Variants in ZNRF3 observed in about 807,000 individuals in gnomAD.
The protein encoded by ZNRF3 is zinc and ring finger 3, also known as E3 ubiquitin-protein ligase ZNRF3.
In ZNRF3, 23 loss-of-function variants were observed where a neutral mutation model predicts 72.5. The observed-to-expected ratio is 0.32, with a 90% confidence interval of 0.23 to 0.45. The LOEUF (loss-of-function observed/expected upper bound fraction) is 0.45, where lower values mean the gene tolerates loss of function less well. ZNRF3 is among the 20% of genes least tolerant of loss of function. The pLI, the probability that ZNRF3 is intolerant of heterozygous loss-of-function variation, is 1.00. For synonymous variants in ZNRF3, 610 were observed against 545.3 expected (o/e 1.12, Z -1.65); for missense variants, 1,169 against 1,272.1 (o/e 0.92, Z 1.23).
At chr22:29,052,256 G>A (rs1601720366) in intron 8 of ZNRF3, among the ~76,000 whole-genome samples, 2 of 152,132 alleles carry the variant, frequency 1.3e-5, no homozygotes, top group Non-Finnish European at 2.9e-5. Context: ...TCCTCTCTTC[G>A]GGACAGAGGC....
intron 1 of ZNRF3, among the ~76,000 whole-genome samples, chr22:28,913,390 G>T (rs1204905543): frequency 1.3e-5 from 2 of 152,182 alleles, no homozygotes; most frequent in Non-Finnish European, 2.9e-5. Flanking sequence ...TTTTCTCAAA[G>T]GACTCAAGGT....
intron 1 of ZNRF3, among the ~76,000 whole-genome samples, chr22:28,953,381 C>A (rs1235219676): frequency 6.6e-6 from 1 of 152,190 alleles, no homozygotes; most frequent in East Asian, 1.9e-4. Flanking sequence ...AGTTGTGAGG[C>A]CACAGCCTGT....
intron 2 of ZNRF3, among the ~76,000 whole-genome samples, chr22:29,012,508 A>G (rs2036363732): frequency 6.6e-6 from 1 of 152,252 alleles, no homozygotes; most frequent in African/African-American, 2.4e-5. Context: ...CTGGAAAGGC[A>G]GTTGAGTAGA....
chr22:28,932,674 A>C (rs1299657062), intron 1 of ZNRF3, among the ~76,000 whole-genome samples: 1 of 152,188 alleles, frequency 6.6e-6, no homozygotes, highest in Non-Finnish European at 1.5e-5. Flanking sequence ...GAACCCCAAA[A>C]GCCTGGGCAG....
intron 2 of ZNRF3, among the ~76,000 whole-genome samples, chr22:29,007,891 G>C (rs2036287605): frequency 6.6e-6 from 1 of 151,308 alleles, no homozygotes; most frequent in Non-Finnish European, 1.5e-5. Context: ...CAAGTAGCTA[G>C]GATTACAGGC....
intron 1 of ZNRF3, among the ~76,000 whole-genome samples, chr22:28,891,178 GA>G (rs1266284741): frequency 6.6e-6 from 1 of 152,138 alleles, no homozygotes; most frequent in African/African-American, 2.4e-5. Flanking sequence ...TGTTAGAAAG[GA>G]GACTGAAATC....
chr22:28,909,845 G>A (rs774844221), intron 1 of ZNRF3, among the ~76,000 whole-genome samples: 1 of 149,046 alleles, frequency 6.7e-6, no homozygotes, highest in Non-Finnish European at 1.5e-5. Context: ...CATTCACCTC[G>A]GCCTTCCAAA....
intron 1 of ZNRF3, among the ~76,000 whole-genome samples, chr22:28,940,862 T>A (rs1188465267): frequency 6.6e-6 from 1 of 152,178 alleles, no homozygotes; most frequent in Non-Finnish European, 1.5e-5. Flanking sequence ...CAGAAAAAAA[T>A]TTATAAAATG....
At chr22:28,937,201 ATATATATATATATATTTTTTTTTT>A (rs1157271363) in intron 1 of ZNRF3, among the ~76,000 whole-genome samples, 43 of 4,416 alleles carry the variant, frequency 9.7e-3, no homozygotes, top group South Asian at 0.03. Context: ...ATATATATAT[ATATATATATATATATTTTTTTTTT>A]TTTTTTTTTT....
rs545727787 is a variant in ZNRF3, at chr22:28,977,981, G to A, written c.301-9095G>A. On this transcript the variant is annotated intron_variant, in intron 1 of 8. Coordinates refer to ENST00000544604, the MANE Select transcript of ZNRF3 (RefSeq NM_001206998.2). ...CAGATATTTAACCTTGTCTGACATC[G>A]TCTTTTGGCTTCGAAGTTCCCCTAG... Among the ~76,000 whole-genome samples, 44 of 152,278 alleles carry A rather than the reference G, an allele frequency of 2.9e-4. No homozygotes were observed. The South Asian group carries it at 8.9e-3, about 31-fold the overall frequency.
chr22:28,981,012 C>A (rs528150383), intron 1 of ZNRF3, among the ~76,000 whole-genome samples: 174 of 152,300 alleles, frequency 1.1e-3, no homozygotes, highest in African/African-American at 3.9e-3. Context: ...CTCAGAAATG[C>A]CTATAACTTT....
At chr22:28,992,524 G>C (rs2035974510) in intron 2 of ZNRF3, among the ~76,000 whole-genome samples, 1 of 152,072 alleles carries the variant, frequency 6.6e-6, no homozygotes, top group African/African-American at 2.4e-5. Flanking sequence ...TGGGTTTTGA[G>C]TCTGAAAAAT....
At chr22:28,886,058 A>C (rs755590494) in intron 1 of ZNRF3, among the ~76,000 whole-genome samples, 4 of 152,210 alleles carry the variant, frequency 2.6e-5, no homozygotes, top group Non-Finnish European at 4.4e-5. Flanking sequence ...TGGTGAGTTT[A>C]TCTGAGCTGT....
chr22:28,977,414 G>T (rs553315561), intron 1 of ZNRF3, among the ~76,000 whole-genome samples: 39 of 152,218 alleles, frequency 2.6e-4, no homozygotes, highest in African/African-American at 7.0e-4. Context: ...CCGTTTCTTT[G>T]TACATAGAAG....
At chr22:28,945,480 C>T (rs1005937653) in intron 1 of ZNRF3, among the ~76,000 whole-genome samples, 1 of 151,632 alleles carries the variant, frequency 6.6e-6, no homozygotes, top group Non-Finnish European at 1.5e-5. Context: ...TGGCTTGAGC[C>T]CAGGAGTTCA....
At chr22:29,001,526 C>CAGTG (rs1040591797) in intron 2 of ZNRF3, among the ~76,000 whole-genome samples, 1 of 145,918 alleles carries the variant, frequency 6.9e-6, no homozygotes, top group African/African-American at 2.6e-5. Flanking sequence ...GGCTGGAGTG[C>CAGTG]AGTGGCATGA....
At chr22:29,002,351 T>G (rs757680204) in intron 2 of ZNRF3, among the ~76,000 whole-genome samples, 1 of 152,196 alleles carries the variant, frequency 6.6e-6, no homozygotes, top group African/African-American at 2.4e-5. Context: ...TGATTTCTTA[T>G]GGGCTTAAAG....
At chr22:29,026,124 A>G (rs1006553050) in intron 2 of ZNRF3, 11 of 152,222 alleles carry the variant, frequency 7.2e-5, no homozygotes, top group Non-Finnish European at 1.3e-4. Flanking sequence ...AAATAAAAGC[A>G]TAGATTTGAC....
At position 29,050,775 on chromosome 22, in the gene ZNRF3, G is replaced by C. The variant is rs780952600; in HGVS notation, c.2594G>C (p.Arg865Pro). 6.2e-7 allele frequency: 1 copy of C among 1,606,878 alleles called. No homozygotes were observed. The highest frequency in any genetic ancestry group is 8.5e-7 in the Non-Finnish European group (1 of 1,176,974). The change falls in exon 8 of 9, where the codon CGG (arginine) becomes CCG (proline). Residue 865 changes from arginine to proline, a missense_variant. Around this residue, in one of 2 missense-constraint regions of ZNRF3, gnomAD observed 783 missense variants for 731.4 expected, o/e 1.07. Coordinates refer to ENST00000544604, the MANE Select transcript of ZNRF3 (RefSeq NM_001206998.2). Reference protein sequence around the residue: ...WGGTRGPDTPRPHRGLGATRE... With the variant: ...WGGTRGPDTPPPHRGLGATRE... ...GGGACGCGAGGCCCGGATACCCCAC[G>C]GCCCCACAGGGGCCTGGGAGCAACC...
Sources: gnomAD v4.1 joint callset for allele counts (sites outside exome capture counted in the v4.1 genomes callset) on GRCh38, gnomAD v4.1.1 for gene constraint, gnomAD v4.1.1 regional missense constraint, MANE v1.5 for transcripts, NCBI Gene and HGNC (gene_info 2026-07-23, HGNC 2026-07-21) for gene names.